Variants in METTL25 observed in about 807,000 individuals in gnomAD.
METTL25 encodes the protein probable methyltransferase-like protein 25.
A neutral mutation model predicts 71.6 loss-of-function variants in METTL25; 64 were observed. The ratio of observed to expected loss-of-function variants is 0.89; its 90% CI spans 0.73 to 1.10. The LOEUF (loss-of-function observed/expected upper bound fraction) is 1.10, where lower values mean the gene tolerates loss of function less well. METTL25 is among the 50% of genes least tolerant of loss of function. The pLI is 0.00. For synonymous variants in METTL25, 287 were observed against 250.3 expected, an observed-to-expected ratio of 1.15 and a Z score of -1.38; for missense variants, 807 against 707.0, an observed-to-expected ratio of 1.14 and a Z score of -1.60.
rs540107895 is a variant in METTL25, at chr12:82,375,207, A to G, written c.260-11596A>G. Reference sequence around the variant, plus strand: ...ATTCATATGCTAAATATTAATTGCCAGTGTGATGGTATTAAGAAGTAGGAC... The same window carrying G: ...ATTCATATGCTAAATATTAATTGCCGGTGTGATGGTATTAAGAAGTAGGAC... On this transcript the variant is annotated intron_variant, in intron 1 of 11. Transcript: ENST00000248306. Among the ~76,000 whole-genome samples, 3 of 152,268 alleles carry G rather than the reference A, an allele frequency of 2.0e-5. No homozygotes were observed. The East Asian group carries it at 5.8e-4, about 29-fold the overall frequency.
intron 3 of METTL25, among the ~76,000 whole-genome samples, chr12:82,392,074 TTTATTTTTTATTTA>T (rs1184339243): frequency 4.7e-5 from 7 of 150,002 alleles, no homozygotes; most frequent in Non-Finnish European, 8.9e-5. Flanking sequence ...TTTTTATTTT[TTTATTTTTTATTTA>T]TTTATTTTTT....
intron 8 of METTL25, among the ~76,000 whole-genome samples, chr12:82,450,052 C>G (rs1891030572): frequency 6.6e-6 from 1 of 152,148 alleles, no homozygotes; most frequent in Non-Finnish European, 1.5e-5. Flanking sequence ...CAATTTTCCA[C>G]TCTTTATTGA....
At chr12:82,438,835 A>C (rs1160072801) in intron 8 of METTL25, 44 bp downstream of exon 8, 2 of 1,449,086 alleles carry the variant, frequency 1.4e-6, no homozygotes, top group Non-Finnish European at 1.8e-6. Flanking sequence ...GTTATATTGT[A>C]AGTAAAGTGA....
intron 5 of METTL25, among the ~76,000 whole-genome samples, chr12:82,413,366 C>T (rs1887701870): frequency 6.6e-6 from 1 of 151,926 alleles, no homozygotes; most frequent in African/African-American, 2.4e-5. Context: ...CTAAATGAAA[C>T]ATTTTAAAGT....
rs1339901791 is a variant in METTL25, at chr12:82,403,086, G to C, written c.1235G>C (p.Cys412Ser). ...ATCAAGGGAGTTTGCAGTGTGGGTT[G>C]TTGCTACCACCTCTTATCTGAAGAA... ...SEIKGVCSVG[C>S]CYHLLSEEFE... The change falls in exon 5 of 12, where the codon TGT becomes TCT. Residue 412 changes from cysteine to serine, a missense_variant. Cys to Ser is a moderately radical substitution (Grantham distance 112). Transcript: ENST00000248306. 4.3e-6 allele frequency: 7 copies of C among 1,613,216 alleles called. No individual in the cohort carries two copies. The highest frequency in any genetic ancestry group is 5.9e-6 in the Non-Finnish European group (7 of 1,179,528).
At chr12:82,391,726 T>C (rs890901206) in intron 3 of METTL25, among the ~76,000 whole-genome samples, 2 of 6,670 alleles carry the variant, frequency 3.0e-4, no homozygotes. Flanking sequence ...CTGATTTCCT[T>C]TTTTTTTTTT....
chr12:82,390,915 C>T (rs1167056261), intron 3 of METTL25, among the ~76,000 whole-genome samples: 2 of 151,984 alleles, frequency 1.3e-5, no homozygotes, highest in Non-Finnish European at 2.9e-5. Context: ...CAGGTGGCAG[C>T]CAACCTCTAT....
At chr12:82,392,458 C>A (rs1346881586) in intron 3 of METTL25, among the ~76,000 whole-genome samples, 1 of 151,930 alleles carries the variant, frequency 6.6e-6, no homozygotes, top group African/African-American at 2.4e-5. Context: ...TGGCTGTTGC[C>A]CATTTTTAAA....
intron 9 of METTL25, among the ~76,000 whole-genome samples, chr12:82,472,764 G>A (rs1440657789): frequency 6.6e-6 from 1 of 151,978 alleles, no homozygotes; most frequent in African/African-American, 2.4e-5. Flanking sequence ...TTTGTACTGA[G>A]TTTTCTTAAG....
At chr12:82,361,763 G>A (rs1026318780) in intron 1 of METTL25, among the ~76,000 whole-genome samples, 5 of 152,194 alleles carry the variant, frequency 3.3e-5, no homozygotes, top group Admixed American at 3.3e-4. Context: ...TGGCCAGCAA[G>A]CGTGGCGCGC....
intron 5 of METTL25, among the ~76,000 whole-genome samples, chr12:82,408,597 C>CGTGTGTGTGT (rs56872887): frequency 0.061 from 8,946 of 147,648 alleles, 368 homozygotes; most frequent in African/African-American, 0.12. Flanking sequence ...GATGTGACTC[C>CGTGTGTGTGT]GTGTGTGTGT....
chr12:82,414,126 A>G (rs1022159927), intron 5 of METTL25, among the ~76,000 whole-genome samples: 50 of 152,094 alleles, frequency 3.3e-4, no homozygotes, highest in Non-Finnish European at 5.4e-4. Flanking sequence ...GTTCTTTGCA[A>G]TCCTACAGTA....
intron 5 of METTL25, chr12:82,407,958 C>G (rs1367579490): frequency 1.0e-6 from 1 of 984,902 alleles, no homozygotes. Flanking sequence ...AAGATGTGAA[C>G]CATCCCATGA....
At chr12:82,373,600 G>A (rs1883501512) in intron 1 of METTL25, among the ~76,000 whole-genome samples, 1 of 152,198 alleles carries the variant, frequency 6.6e-6, no homozygotes, top group Admixed American at 6.5e-5. Flanking sequence ...GCAAGGGTCA[G>A]GATAGATAGG....
intron 9 of METTL25, among the ~76,000 whole-genome samples, chr12:82,460,915 G>A (rs529343132): frequency 2.0e-5 from 3 of 152,112 alleles, no homozygotes; most frequent in Non-Finnish European, 2.9e-5. Flanking sequence ...AGGCCAAGGC[G>A]GGCGGATCAC....
At chr12:82,370,490 G>A (rs1368898270) in intron 1 of METTL25, among the ~76,000 whole-genome samples, 1 of 152,114 alleles carries the variant, frequency 6.6e-6, no homozygotes, top group African/African-American at 2.4e-5. Context: ...TCCCTGACTG[G>A]TTAGTGTAAA....
At position 82,456,755 on chromosome 12, in the gene METTL25, A is replaced by G. The variant is rs922527714; in HGVS notation, c.1507A>G (p.Lys503Glu). The G allele has an allele frequency of 6.2e-7, 1 of 1,603,226 alleles. No individual in the cohort carries two copies. Among genetic ancestry groups the G allele is most frequent in the South Asian group, 1.1e-5 (1 of 89,172 alleles). ...TCGGCATGTTGGTAAAATTTATTCC[A>G]AATGTTCTTCTTTTCTGGATTATGT... ...CDRHVGKIYS[K>E]CSSFLDYVRR... is the part of the protein sequence containing the mutation. The change falls in exon 9 of 12, where the codon AAA becomes GAA. Residue 503 changes from lysine to glutamate, a missense_variant. By Grantham distance (56) the Lys-to-Glu change is moderately conservative. Coordinates refer to ENST00000248306, the MANE Select transcript of METTL25 (RefSeq NM_032230.3).
intron 8 of METTL25, among the ~76,000 whole-genome samples, chr12:82,453,407 T>C (rs539106905): frequency 1.3e-5 from 2 of 152,294 alleles, no homozygotes; most frequent in South Asian, 4.1e-4. Flanking sequence ...ATTCAAGTAG[T>C]ATGCTGGAAG....
At chr12:82,442,788 T>G (rs2137200905) in intron 8 of METTL25, among the ~76,000 whole-genome samples, 1 of 152,252 alleles carries the variant, frequency 6.6e-6, no homozygotes. Flanking sequence ...ATTGAAAGTT[T>G]AATTTAAAGA....
Sources: allele counts gnomAD v4.1 joint callset (sites outside exome capture counted in the v4.1 genomes callset), GRCh38; gene constraint gnomAD v4.1.1; transcripts MANE v1.5; gene names NCBI Gene and HGNC (gene_info 2026-07-23, HGNC 2026-07-21).